CES1: variants seen among roughly 807,000 people sequenced by gnomAD.
The protein encoded by CES1 is liver carboxylesterase 1.
A neutral mutation model predicts 53.0 loss-of-function variants in CES1; 50 were observed. That is an observed-to-expected ratio of 0.94 (90% CI 0.75 to 1.19). The LOEUF (loss-of-function observed/expected upper bound fraction) is 1.19. Among genes scored for constraint, CES1 ranks in the 50% most tolerant of loss-of-function variants. The pLI, the probability that CES1 is intolerant of heterozygous loss-of-function variation, is 0.00. For synonymous variants in CES1, 202 were observed against 210.1 expected, an observed-to-expected ratio of 0.96 and a Z score of 0.33; for missense variants, 534 against 538.0, an observed-to-expected ratio of 0.99 and a Z score of 0.07.
At chr16:55,808,647 C>T (rs2142309539) in intron 11 of CES1, among the ~76,000 whole-genome samples, 1 of 152,248 alleles carries the variant, frequency 6.6e-6, no homozygotes, top group South Asian at 2.1e-4. Flanking sequence ...AATTATTAGA[C>T]ATGTGTTTAG....
intron 8 of CES1, among the ~76,000 whole-genome samples, chr16:55,814,199 T>C (rs1243101478): frequency 2.0e-5 from 3 of 152,208 alleles, no homozygotes; most frequent in African/African-American, 7.2e-5. Flanking sequence ...GAGAAAATCA[T>C]GAGTAAAAGA....
intron 1 of CES1, among the ~76,000 whole-genome samples, chr16:55,829,240 A>G (rs1179420353): frequency 6.6e-6 from 1 of 152,236 alleles, no homozygotes; most frequent in Non-Finnish European, 1.5e-5. Context: ...AAAGAACAAG[A>G]CATTTAGCTT....
intron 7 of CES1, 103 bp from the exon 8 acceptor site, chr16:55,817,065 C>G (rs8192945): frequency 3.2e-6 from 4 of 1,238,244 alleles, no homozygotes; most frequent in Non-Finnish European, 4.8e-6. Context: ...CGCATCACTC[C>G]GTGAATTCGT....
At chr16:55,816,133 C>G (rs1226957909) in intron 8 of CES1, among the ~76,000 whole-genome samples, 7 of 152,404 alleles carry the variant, frequency 4.6e-5, no homozygotes, top group Admixed American at 3.3e-4. Flanking sequence ...TAAATTGAAG[C>G]CACCCACAAA....
Position 55,821,354 on chromosome 16 carries a change from A to G in CES1, c.693+14T>C. 6.2e-7 allele frequency: 1 copy of G among 1,614,188 alleles called. No homozygotes were observed. Among genetic ancestry groups the G allele is most frequent in the African/African-American group, 1.3e-5 (1 of 75,032 alleles). On this transcript the variant is annotated intron_variant, in intron 5 of 13. Transcript: ENST00000360526. Reference sequence around the variant, plus strand: ...ATCAAGCGTGGGGTTGGGCCTGGTGACAGGAAAACTCACAAGAACAGAGAC... The same window carrying G: ...ATCAAGCGTGGGGTTGGGCCTGGTGGCAGGAAAACTCACAAGAACAGAGAC...
At chr16:55,830,521 G>A (rs2032595532) in intron 1 of CES1, among the ~76,000 whole-genome samples, 1 of 152,082 alleles carries the variant, frequency 6.6e-6, no homozygotes, top group Non-Finnish European at 1.5e-5. Context: ...GAAAGACTTG[G>A]AGACCAGGCA....
chr16:55,812,945 C>A lies in CES1; in HGVS notation c.1044G>T (p.Met348Ile). 1.2e-6 allele frequency: 2 copies of A among 1,614,062 alleles called. No homozygotes were observed. Among genetic ancestry groups the A allele is most frequent in the East Asian group, 4.5e-5 (2 of 44,890 alleles). ...CAAACTCCTGCTTGTTAATTCCGAC[C>A]ATGTAGGGGACAGTGTGGAAATTCC... Reference protein sequence around the residue: ...AERNFHTVPYMVGINKQEFGW... With the variant: ...AERNFHTVPYIVGINKQEFGW... The change falls in exon 9 of 14, where the codon ATG becomes ATT. Residue 348 changes from methionine (M) to isoleucine (I), a missense_variant. Physicochemically the swap from Met to Ile is conservative, Grantham distance 10. Coordinates refer to ENST00000360526, the MANE Select transcript of CES1 (RefSeq NM_001025195.2).
chr16:55,819,608 G>A lies in CES1; in HGVS notation c.833C>T (p.Thr278Ile). ...QIAITAGCKT[T>I]TSAVMVHCLR... ...GCAGTGAACCATGACAGCAGAGGTG[G>A]TGGTTTTGCACCCAGCAGTGATAGC... The change falls in exon 7 of 14, where the codon ACC becomes ATC. Residue 278 changes from threonine (T) to isoleucine (I), a missense_variant. Around this residue, in one of 5 missense-constraint regions of CES1, gnomAD observed 269 missense variants for 206.6 expected, o/e 1.30. Transcript: ENST00000360526. 1.2e-6 allele frequency: 2 copies of A among 1,614,118 alleles called. No homozygotes were observed. Among genetic ancestry groups the A allele is most frequent in the Admixed American group, 1.7e-5 (1 of 60,020 alleles).
chr16:55,819,643 C>T lies in CES1; in HGVS notation c.802-4G>A. ...ACCCAGCAGTGATAGCAATTTGCTG[C>T]AAAGATCACAGGCAACAACAGAGTT... On this transcript the variant is annotated splice_region_variant and splice_polypyrimidine_tract_variant and intron_variant, in intron 6 of 13. Coordinates refer to ENST00000360526, the MANE Select transcript of CES1 (RefSeq NM_001025195.2). 1.2e-6 allele frequency: 2 copies of T among 1,610,412 alleles called. No individual in the cohort carries two copies. Among genetic ancestry groups the T allele is most frequent in the African/African-American group, 1.3e-5 (1 of 74,912 alleles).
chr16:55,819,740 G>T (rs2032095909), intron 6 of CES1, 101 bp from the exon 7 acceptor site: 2 of 973,746 alleles, frequency 2.1e-6, no homozygotes, highest in South Asian at 2.5e-5. Flanking sequence ...TGTACTAGTG[G>T]CAGGGAGCAG....
chr16:55,828,915 A>G lies in CES1; in HGVS notation c.112T>C (p.Phe38Leu), dbSNP rs1448254904. Residue 38 changes from phenylalanine to leucine, a missense_variant, in exon 2 of 14, where the codon TTC (phenylalanine) becomes CTC (leucine). Coordinates refer to ENST00000360526, the MANE Select transcript of CES1 (RefSeq NM_001025195.2). ...TGTGCAAATCCTTCTAAGCTGACGA[A>G]CTTCCCCAGCACTTTGCCATGCACG... is the stretch of plus-strand genomic sequence containing the variant. ...DTVHGKVLGK[F>L]VSLEGFAQPV... 2.5e-6 allele frequency: 4 copies of G among 1,613,910 alleles called. No homozygotes were observed. The Admixed American group carries it at 5.0e-5, about 20-fold the overall frequency.
At chr16:55,820,932 A>T (rs1405514356) in intron 5 of CES1, among the ~76,000 whole-genome samples, 1 of 152,080 alleles carries the variant, frequency 6.6e-6, no homozygotes, top group African/African-American at 2.4e-5. Context: ...TCCCCTCCAC[A>T]TGTAGGTCTG....
At chr16:55,813,121 G>A (rs1258483657) in intron 8 of CES1, 78 bp from the exon 9 acceptor site, 60 of 1,592,902 alleles carry the variant, frequency 3.8e-5, no homozygotes, top group Non-Finnish European at 4.9e-5. Flanking sequence ...GTCTGAGGGT[G>A]AGACCAGTAC....
intron 8 of CES1, among the ~76,000 whole-genome samples, chr16:55,813,922 C>T (rs2031818992): frequency 6.6e-6 from 1 of 152,216 alleles, no homozygotes; most frequent in Non-Finnish European, 1.5e-5. Flanking sequence ...TCAGATGGAA[C>T]ATGCCCATCA....
rs1362906853 is a variant in CES1, at chr16:55,826,150, C to T, written c.405+1G>A. 1.9e-6 allele frequency: 3 copies of T among 1,613,990 alleles called. No individual in the cohort carries two copies. The highest frequency in any genetic ancestry group is 8.5e-7 in the Non-Finnish European group (1 of 1,179,878). ...CTTGACCAGGGGGTCCCACAACTTA[C>T]CGGCAGCCTGTTTTTCTTGGTCAAG... On this transcript the variant is annotated splice_donor_variant, in intron 3 of 13. Coordinates refer to ENST00000360526, the MANE Select transcript of CES1 (RefSeq NM_001025195.2). LOFTEE classifies it high-confidence loss of function.
intron 5 of CES1, among the ~76,000 whole-genome samples, chr16:55,821,126 A>G (rs2032170703): frequency 6.6e-6 from 1 of 151,988 alleles, no homozygotes; most frequent in Admixed American, 6.6e-5. Flanking sequence ...GAATGCCACC[A>G]TTGCAGGCTG....
intron 11 of CES1, among the ~76,000 whole-genome samples, chr16:55,809,790 A>G (rs1206857042): frequency 1.3e-5 from 2 of 152,214 alleles, no homozygotes; most frequent in African/African-American, 4.8e-5. Context: ...TCCAGCTCCA[A>G]TACTTAACAA....
chr16:55,819,119 T>C (rs558302806), intron 7 of CES1, among the ~76,000 whole-genome samples: 3 of 152,356 alleles, frequency 2.0e-5, no homozygotes, highest in South Asian at 4.1e-4. Context: ...TCTAGAAAAC[T>C]GGACCACCAC....
intron 11 of CES1, among the ~76,000 whole-genome samples, chr16:55,809,256 A>G (rs2031578040): frequency 6.6e-6 from 1 of 152,134 alleles, no homozygotes; most frequent in South Asian, 2.1e-4. Context: ...AACAGATTCA[A>G]CTCCAGTGGT....
Sources: gnomAD v4.1 joint callset for allele counts (sites outside exome capture counted in the v4.1 genomes callset) on GRCh38, gnomAD v4.1.1 for gene constraint, gnomAD v4.1.1 regional missense constraint, MANE v1.5 for transcripts, NCBI Gene and HGNC (gene_info 2026-07-23, HGNC 2026-07-21) for gene names.